The following RHNO1 variants were observed in gnomAD, a reference collection of about 807,000 sequenced individuals.
RHNO1 encodes RAD9-HUS1-RAD1 interacting nuclear orphan 1.
A neutral mutation model predicts 7.2 loss-of-function variants in RHNO1; 9 were observed. The ratio of observed to expected loss-of-function variants is 1.25; its 90% confidence interval spans 0.75 to 2.18. The LOEUF (loss-of-function observed/expected upper bound fraction) is 2.18, where lower values mean the gene tolerates loss of function less well. RHNO1 is among the 30% of genes most tolerant of loss of function. The probability of loss-of-function intolerance (pLI) is 0.00; values close to 1 mark genes in which losing one functional copy is unlikely to be tolerated. For synonymous variants in RHNO1, 95 were observed against 107.5 expected, an observed-to-expected ratio of 0.88 and a Z score of 0.72; for missense variants, 292 against 284.5, an observed-to-expected ratio of 1.03 and a Z score of -0.19.
chr12:2,883,507 A>ATATATATATATATATATATATATATT (rs2098161429), intron 1 of RHNO1, among the ~76,000 whole-genome samples: 1 of 26,236 alleles, frequency 3.8e-5, no homozygotes, highest in Non-Finnish European at 6.0e-5. Flanking sequence ...ATATATATAT[A>ATATATATATATATATATATATATATT]TATATTTTTT....
chr12:2,880,685 G>A (rs536778947), intron 1 of RHNO1, among the ~76,000 whole-genome samples: 1 of 152,192 alleles, frequency 6.6e-6, no homozygotes, highest in South Asian at 2.1e-4. Flanking sequence ...CTAGGCTAGA[G>A]TGCAGTGGCA....
At chr12:2,883,503 ATATATATATTTTTTT>A (rs1464608506) in intron 1 of RHNO1, among the ~76,000 whole-genome samples, 189 of 34,756 alleles carry the variant, frequency 5.4e-3, no homozygotes, top group African/African-American at 0.014. Context: ...ATATATATAT[ATATATATATTTTTTT>A]TTTTTTTTTT....
intron 1 of RHNO1, among the ~76,000 whole-genome samples, chr12:2,882,977 G>A (rs2153944947): frequency 6.6e-6 from 1 of 151,012 alleles, no homozygotes; most frequent in East Asian, 2.0e-4. Flanking sequence ...TGATGTGGGA[G>A]GATTGCTTGG....
chr12:2,883,511 ATTTTTT>A (rs869192550), intron 1 of RHNO1, among the ~76,000 whole-genome samples: 154 of 26,732 alleles, frequency 5.8e-3, no homozygotes, highest in Middle Eastern at 0.045. Flanking sequence ...ATATATATAT[ATTTTTT>A]TTTTTTTTTT....
Position 2,887,999 on chromosome 12 carries a change from C to G in RHNO1, c.257C>G (p.Pro86Arg). The G allele has an allele frequency of 6.2e-7, 1 of 1,614,032 alleles. No individual in the cohort carries two copies. The highest frequency in any genetic ancestry group is 1.1e-5 in the South Asian group (1 of 91,070). ...QNRARHSSRK[P>R]TTSKFPHLTF... ...CGGGCGAGACACTCAAGTCGAAAAC[C>G]TACCACCTCCAAGTTTCCACATCTA... Residue 86 changes from proline to arginine, a missense_variant, in exon 3 of 3, where the codon CCT (proline) becomes CGT (arginine). By Grantham distance (103) the Pro-to-Arg change is moderately radical (BLOSUM62 -2). Transcript: ENST00000489288.
At chr12:2,881,835 G>A (rs2153944725) in intron 1 of RHNO1, among the ~76,000 whole-genome samples, 1 of 151,414 alleles carries the variant, frequency 6.6e-6, no homozygotes, top group East Asian at 1.9e-4. Flanking sequence ...AACCCAGGAG[G>A]TAGAGGTTGT....
intron 1 of RHNO1, among the ~76,000 whole-genome samples, chr12:2,883,511 A>ATTTTTTTTT: frequency 3.7e-5 from 1 of 26,846 alleles, no homozygotes; most frequent in Non-Finnish European, 6.4e-5. Flanking sequence ...ATATATATAT[A>ATTTTTTTTT]TTTTTTTTTT....
At chr12:2,882,797 C>T (rs1459654643) in intron 1 of RHNO1, among the ~76,000 whole-genome samples, 6 of 152,128 alleles carry the variant, frequency 3.9e-5, no homozygotes, top group Admixed American at 1.3e-4. Context: ...ATCTAAAGAA[C>T]TGCTAGTAAT....
At chr12:2,882,465 G>A (rs1284046452) in intron 1 of RHNO1, among the ~76,000 whole-genome samples, 18 of 152,050 alleles carry the variant, frequency 1.2e-4, no homozygotes, top group African/African-American at 1.9e-4. Flanking sequence ...TTGGGAGGCC[G>A]AGGCAGGCAG....
At chr12:2,883,363 A>G (rs1177094754) in intron 1 of RHNO1, among the ~76,000 whole-genome samples, 1 of 150,412 alleles carries the variant, frequency 6.6e-6, no homozygotes, top group Non-Finnish European at 1.5e-5. Context: ...GCAACAGATG[A>G]GACCCTATCT....
At chr12:2,877,139 T>A (rs2098146799), upstream of RHNO1, 1 of 152,086 alleles carries the variant, frequency 6.6e-6, no homozygotes, top group Non-Finnish European at 1.5e-5. Flanking sequence ...GCTTTCAGTT[T>A]GTTCCGCTGT....
chr12:2,888,455 G>A lies in RHNO1; in HGVS notation c.713G>A (p.Ser238Asn). Residue 238 changes from serine to asparagine, a missense_variant, in exon 3 of 3, where the codon AGC (serine) becomes AAC (asparagine). Transcript: ENST00000489288. Reference protein sequence around the residue: ...KLSRSQFLVKS With the variant: ...KLSRSQFLVKN ...AGCAGAAGCCAATTCCTTGTGAAAA[G>A]CTGACTGCCATCAGTAATCTCAATA... 6.4e-7 allele frequency: 1 copy of A among 1,558,112 alleles called. No homozygotes were observed. The highest frequency in any genetic ancestry group is 8.7e-7 in the Non-Finnish European group (1 of 1,155,020).
intron 1 of RHNO1, among the ~76,000 whole-genome samples, chr12:2,877,747 C>T (rs148780072): frequency 6.6e-6 from 1 of 152,346 alleles, no homozygotes; most frequent in East Asian, 1.9e-4. Context: ...TATTTATTGA[C>T]TTAGTCAACC....
chr12:2,885,723 CG>C (rs2098164809), intron 2 of RHNO1, 189 bp downstream of exon 2: 1 of 479,090 alleles, frequency 2.1e-6, no homozygotes, highest in Non-Finnish European at 3.7e-6. Flanking sequence ...TACAGGCACC[CG>C]CCACCACGCC....
chr12:2,884,854 T>C (rs2153945581), intron 1 of RHNO1, among the ~76,000 whole-genome samples: 1 of 152,332 alleles, frequency 6.6e-6, no homozygotes, highest in South Asian at 2.1e-4. Context: ...TTTTTGTTTC[T>C]TCTATGCCTT....
chr12:2,888,262 C>G lies in RHNO1; in HGVS notation c.520C>G (p.Gln174Glu). ...SVKEELIPQD[Q>E]KENSLLSCTL... ...GAAGGAAGAACTCATTCCCCAAGAT[C>G]AGAAGGAAAACAGCCTTCTAAGCTG... is the stretch of plus-strand genomic sequence containing the variant. The change falls in exon 3 of 3, where the codon CAG (glutamine) becomes GAG (glutamate). Residue 174 changes from glutamine to glutamate, a missense_variant. Physicochemically the swap from Gln to Glu is conservative, Grantham distance 29. Transcript: ENST00000489288. The G allele has an allele frequency of 1.9e-6, 3 of 1,614,158 alleles. No homozygotes were observed. The highest frequency in any genetic ancestry group is 2.5e-6 in the Non-Finnish European group (3 of 1,180,042).
At chr12:2,882,213 A>G (rs963546277) in intron 1 of RHNO1, among the ~76,000 whole-genome samples, 1 of 151,740 alleles carries the variant, frequency 6.6e-6, no homozygotes, top group African/African-American at 2.4e-5. Context: ...TGGGCGAGGC[A>G]GAAGGATTGC....
At chr12:2,887,817 T>G in intron 2 of RHNO1, 94 bp from the exon 3 acceptor site, 2 of 1,038,334 alleles carry the variant, frequency 1.9e-6, no homozygotes, top group Non-Finnish European at 2.8e-6. Context: ...ATTACTACAG[T>G]AGACCCCGAT....
rs371361194 is a variant in RHNO1 at position 2,888,142 on chromosome 12, C to A, written c.400C>A (p.Pro134Thr). 3.2e-5 allele frequency: 52 copies of A among 1,613,898 alleles called. No individual in the cohort carries two copies. The highest frequency in any genetic ancestry group is 3.9e-5 in the Non-Finnish European group (46 of 1,179,956). Residue 134 changes from proline (P) to threonine (T), a missense_variant, in exon 3 of 3, where the codon CCC (proline) becomes ACC (threonine). Physicochemically the swap from Pro to Thr is conservative, Grantham distance 38. Transcript: ENST00000489288. The part of the protein sequence containing the change: ...SRRPLVPVLS[P>T]QSCGNMSVQA... Reference sequence around the variant, plus strand: ...AAGACCCTTAGTTCCAGTGCTCAGTCCCCAAAGCTGTGGGAACATGTCAGT... The same window carrying A: ...AAGACCCTTAGTTCCAGTGCTCAGTACCCAAAGCTGTGGGAACATGTCAGT...
Sources: gnomAD v4.1 joint callset for allele counts (sites outside exome capture counted in the v4.1 genomes callset) on GRCh38, gnomAD v4.1.1 for gene constraint, MANE v1.5 for transcripts, NCBI Gene and HGNC (gene_info 2026-07-23, HGNC 2026-07-21) for gene names.